SLC6A13: variants seen among roughly 807,000 people sequenced by gnomAD.
SLC6A13 encodes sodium- and chloride-dependent GABA transporter 2.
In SLC6A13, 69 loss-of-function variants were observed where a neutral mutation model predicts 72.9. The observed-to-expected ratio is 0.95, with a 90% CI of 0.78 to 1.16. The LOEUF (loss-of-function observed/expected upper bound fraction) is 1.16. Ranked by LOEUF, SLC6A13 falls within the 50% of genes most tolerant of loss-of-function variation. The pLI is 0.00. For synonymous variants in SLC6A13, 303 were observed against 303.0 expected (o/e 1.00, Z 0.00); for missense variants, 735 against 760.5 (o/e 0.97, Z 0.39).
In SLC6A13 at chr12:254,165, T is replaced by G. The variant is rs775166722; in HGVS notation, c.202+5686A>C. On this transcript the variant is annotated intron_variant, in intron 2 of 14. Coordinates refer to ENST00000343164, the MANE Select transcript of SLC6A13 (RefSeq NM_016615.5). The surrounding 1 kb of genome is among the most constrained non-coding windows in gnomAD (Gnocchi z 4.4). ...AGCTGAGGGTGGAGGGCTGGAGGAA[T>G]AGTTCAAATGTCAAGCTTCTTCAGC... Among the ~76,000 whole-genome samples, 1 of 152,174 alleles carries G rather than the reference T, an allele frequency of 6.6e-6. No homozygotes were observed. Among genetic ancestry groups the G allele is most frequent in the Non-Finnish European group, 1.5e-5 (1 of 68,024 alleles).
rs1361867604 is a variant in SLC6A13, at chr12:242,607, A to G, written c.478+7T>C. 1.9e-6 allele frequency: 3 copies of G among 1,613,430 alleles called. No individual in the cohort carries two copies. Among genetic ancestry groups the G allele is most frequent in the South Asian group, 1.1e-5 (1 of 90,930 alleles). ...GGAGGAAGTGGACCCTTGGGTGAGG[A>G]CCATACCTGTGTTCCACTCATGGTA... On this transcript the variant is annotated splice_region_variant and intron_variant, in intron 4 of 14. Coordinates refer to ENST00000343164, the MANE Select transcript of SLC6A13 (RefSeq NM_016615.5).
intron 4 of SLC6A13, among the ~76,000 whole-genome samples, chr12:240,197 A>G (rs1765407516): frequency 6.6e-6 from 1 of 152,188 alleles, no homozygotes; most frequent in East Asian, 1.9e-4. Context: ...AAGCTAAAGA[A>G]GTATAATAAA....
chr12:227,100 T>C (rs1941491059), intron 8 of SLC6A13: 1 of 166,146 alleles, frequency 6.0e-6, no homozygotes, highest in Non-Finnish European at 1.3e-5. Flanking sequence ...GGGGCAGATT[T>C]ACCAAGCAAG....
intron 14 of SLC6A13, 60 bp downstream of exon 14, chr12:221,316 G>C (rs1319856529): frequency 4.7e-6 from 7 of 1,496,022 alleles, no homozygotes; most frequent in Admixed American, 2.2e-5. Flanking sequence ...CAGCCCACCT[G>C]TCGGCACCTG....
At chr12:241,175 G>T (rs1012043005) in intron 4 of SLC6A13, among the ~76,000 whole-genome samples, 22 of 152,022 alleles carry the variant, frequency 1.4e-4, no homozygotes, top group Admixed American at 1.1e-3. Flanking sequence ...GTGTTGGCAG[G>T]CGCCTGTAAT....
Position 223,065 on chromosome 12 carries a change from G to C in SLC6A13, c.1414+67C>G, listed in dbSNP as rs557718146. The stretch of plus-strand genomic sequence containing the variant: ...AGTGCGAGCAGTAGATGTCTGTTTC[G>C]TGTCTAAGGACCCCAAGACCCTTAG... On this transcript the variant is annotated intron_variant, in intron 12 of 14. Coordinates refer to ENST00000343164, the MANE Select transcript of SLC6A13 (RefSeq NM_016615.5). 4 of 957,450 alleles carry C rather than the reference G, an allele frequency of 4.2e-6. No homozygotes were observed. In the African/African-American group the frequency reaches 6.6e-5, roughly 16 times the overall value. 59.3% of individuals were successfully genotyped at this position (957,450 alleles called of 1,614,324 possible). A position where few individuals can be genotyped will look rare whatever the true frequency, so the allele number is the denominator to read the frequency against.
At chr12:240,064 TCAAGA>T (rs1185733571) in intron 4 of SLC6A13, among the ~76,000 whole-genome samples, 1 of 152,114 alleles carries the variant, frequency 6.6e-6, no homozygotes, top group Non-Finnish European at 1.5e-5. Flanking sequence ...CAAAATTGTT[TCAAGA>T]GGGACTCCAC....
At chr12:231,706 C>G (rs1015755842) in intron 7 of SLC6A13, among the ~76,000 whole-genome samples, 2 of 152,184 alleles carry the variant, frequency 1.3e-5, no homozygotes, top group East Asian at 1.9e-4. Flanking sequence ...AGGTCTTTGT[C>G]CCTGCAGTCA....
chr12:237,204 AC>A lies in SLC6A13; in HGVS notation c.649del (p.Val217SerfsTer11). 6.2e-7 allele frequency: 1 copy of A among 1,614,138 alleles called. No individual in the cohort carries two copies. The highest frequency in any genetic ancestry group is 1.3e-5 in the African/African-American group (1 of 75,028). On this transcript the variant is annotated frameshift_variant, in exon 6 of 15. Coordinates refer to ENST00000343164, the MANE Select transcript of SLC6A13 (RefSeq NM_016615.5). LOFTEE classifies it high-confidence loss of function. ...ELALCLLLAW[V>X]ICYFCIWKGV... is the part of the protein sequence containing the mutation. ...CTTCCAGATGCAGAAGTAGCAGATG[AC>A]CCAGGCCAGCAGGAGGCACAGAGCC...
At chr12:229,735 G>C (rs944100730) in intron 7 of SLC6A13, among the ~76,000 whole-genome samples, 1 of 152,170 alleles carries the variant, frequency 6.6e-6, no homozygotes, top group African/African-American at 2.4e-5. Context: ...GGTGCGCTGG[G>C]TGCAGACTGG....
At chr12:256,389 TG>T in intron 2 of SLC6A13, 1 of 152,350 alleles carries the variant, frequency 6.6e-6, no homozygotes, top group Non-Finnish European at 1.5e-5. Context: ...AGCAGGTGCC[TG>T]GGGGTGGATC....
In SLC6A13 at chr12:254,450, T is replaced by C. The variant is rs1565508753; in HGVS notation, c.202+5401A>G. 1.3e-5 allele frequency among the ~76,000 whole-genome samples: 2 copies of C among 152,240 alleles called. No individual in the cohort carries two copies. Among genetic ancestry groups the C allele is most frequent in the Non-Finnish European group, 2.9e-5 (2 of 68,042 alleles). ...CCACTGTAACCGCTCTTATCATCAA[T>C]GACTTCCCAGCTGCTAAAACCAACA... is the stretch of plus-strand genomic sequence containing the variant. On this transcript the variant is annotated intron_variant, in intron 2 of 14. Transcript: ENST00000343164. The surrounding 1 kb of genome is among the most constrained non-coding windows in gnomAD (Gnocchi z 4.4).
Position 259,856 on chromosome 12 carries a change from C to T in SLC6A13, c.197G>A (p.Gly66Glu), listed in dbSNP as rs748106331. 6.2e-7 allele frequency: 1 copy of T among 1,614,214 alleles called. No individual in the cohort carries two copies. Among genetic ancestry groups the T allele is most frequent in the South Asian group, 1.1e-5 (1 of 91,086 alleles). The part of the protein sequence containing the change: ...WRFPYLCYKN[G>E]GGAFFIPYLV... ...CACAAGGGCTCTCATCTCACCTCCC[C>T]CATTTTTGTAGCAGAGATAGGGAAA... Residue 66 changes from glycine (G) to glutamate (E), a missense_variant, in exon 2 of 15, where the codon GGG becomes GAG. Transcript: ENST00000343164.
In SLC6A13 at chr12:224,002, A is replaced by C. The variant is rs376131170; in HGVS notation, c.1301T>G (p.Met434Arg). Reference sequence around the variant, plus strand: ...TTCCCAGGCCCTCACCTCTGTGAGCATGATCAGCCCCACAAGGAAGGAGAC... The same window carrying C: ...TTCCCAGGCCCTCACCTCTGTGAGCCTGATCAGCCCCACAAGGAAGGAGAC... ...SVVSFLVGLI[M>R]LTEGGMYVFQ... The change falls in exon 11 of 15, where the codon ATG (methionine) becomes AGG (arginine). Residue 434 changes from methionine to arginine, a missense_variant. Transcript: ENST00000343164. 6 of 1,612,594 alleles carry C rather than the reference A, an allele frequency of 3.7e-6. No individual in the cohort carries two copies. The highest frequency in any genetic ancestry group is 5.1e-6 in the Non-Finnish European group (6 of 1,179,468).
intron 7 of SLC6A13, 118 bp downstream of exon 7, chr12:234,972 C>T: frequency 8.8e-7 from 1 of 1,142,750 alleles, no homozygotes; most frequent in Middle Eastern, 2.9e-4. Context: ...ACCTCTGCTG[C>T]CACTGTGGAC....
chr12:255,185 G>A (rs1318746621), intron 2 of SLC6A13, among the ~76,000 whole-genome samples: 1 of 152,102 alleles, frequency 6.6e-6, no homozygotes, highest in Non-Finnish European at 1.5e-5. Flanking sequence ...CCAGGCATTC[G>A]GGTGCTGAGC....
At chr12:250,516 T>G (rs991876607) in intron 2 of SLC6A13, among the ~76,000 whole-genome samples, 1 of 151,972 alleles carries the variant, frequency 6.6e-6, no homozygotes, top group Non-Finnish European at 1.5e-5. Context: ...TAAATTAAAA[T>G]GTAGGAAATA....
At chr12:228,479 A>G (rs1404808064) in intron 7 of SLC6A13, among the ~76,000 whole-genome samples, 1 of 152,016 alleles carries the variant, frequency 6.6e-6, no homozygotes, top group African/African-American at 2.4e-5. Flanking sequence ...GGTGTTCCTC[A>G]TGTGTCTGTG....
At chr12:260,570 T>C (rs1048821033) in intron 1 of SLC6A13, among the ~76,000 whole-genome samples, 28 of 152,360 alleles carry the variant, frequency 1.8e-4, no homozygotes, top group Admixed American at 1.5e-3. Context: ...TTATTGTTCA[T>C]AACAGCGAAA....
Sources: gnomAD v4.1 joint callset for allele counts (sites outside exome capture counted in the v4.1 genomes callset) on GRCh38, gnomAD v4.1.1 for gene constraint, Gnocchi (gnomAD v3.1) non-coding constraint, MANE v1.5 for transcripts, NCBI Gene and HGNC (gene_info 2026-07-23, HGNC 2026-07-21) for gene names.